GNG12: variants seen among roughly 807,000 people sequenced by gnomAD.
GNG12 encodes the protein guanine nucleotide-binding protein G(I)/G(S)/G(O) subunit gamma-12.
For missense variants in GNG12, 69 were observed against 83.8 expected (o/e 0.82, Z 0.69); for synonymous variants, 28 against 29.7 (o/e 0.94, Z 0.19).
At chr1:67,706,366 A>C (rs1646247377) in intron 3 of GNG12, among the ~76,000 whole-genome samples, 2 of 152,248 alleles carry the variant, frequency 1.3e-5, no homozygotes, top group African/African-American at 4.8e-5. Context: ...TTCAGGATTT[A>C]CTGTTAGAGA....
At chr1:67,819,114 G>C (rs1646971381) in intron 1 of GNG12, among the ~76,000 whole-genome samples, 1 of 152,118 alleles carries the variant, frequency 6.6e-6, no homozygotes, top group Non-Finnish European at 1.5e-5. Flanking sequence ...AGAGGCATGG[G>C]GGTAGGGAGA....
chr1:67,711,756 C>A (rs972926771), intron 2 of GNG12, among the ~76,000 whole-genome samples: 1 of 152,172 alleles, frequency 6.6e-6, no homozygotes, highest in Non-Finnish European at 1.5e-5. Context: ...ATCTGCTGTT[C>A]CCCAAGTGTC....
intron 1 of GNG12, among the ~76,000 whole-genome samples, chr1:67,815,273 A>AT (rs1212695842): frequency 6.6e-6 from 1 of 152,232 alleles, no homozygotes; most frequent in African/African-American, 2.4e-5. Flanking sequence ...CCTGATAAAA[A>AT]TAAGAAATGC....
At chr1:67,743,429 T>A (rs928768100) in intron 2 of GNG12, among the ~76,000 whole-genome samples, 1 of 152,180 alleles carries the variant, frequency 6.6e-6, no homozygotes, top group Non-Finnish European at 1.5e-5. Flanking sequence ...CATAAATGTC[T>A]CCATACAGCA....
intron 1 of GNG12, among the ~76,000 whole-genome samples, chr1:67,790,352 C>T (rs1047391214): frequency 9.2e-5 from 14 of 152,070 alleles, no homozygotes; most frequent in African/African-American, 3.1e-4. Flanking sequence ...TGCTGCCCAG[C>T]GTTTAGGGAA....
At chr1:67,787,783 C>CA (rs1178084199) in intron 1 of GNG12, among the ~76,000 whole-genome samples, 1 of 152,206 alleles carries the variant, frequency 6.6e-6, no homozygotes, top group African/African-American at 2.4e-5. Flanking sequence ...TTCCATTTTA[C>CA]AGGTAAGTTG....
intron 2 of GNG12, among the ~76,000 whole-genome samples, chr1:67,720,392 T>C (rs1646350204): frequency 6.6e-6 from 1 of 152,212 alleles, no homozygotes; most frequent in South Asian, 2.1e-4. Context: ...GTGTTTACAG[T>C]CAACACTAAG....
intron 2 of GNG12, 37 bp from the exon 3 acceptor site, chr1:67,707,749 T>A: frequency 1.0e-6 from 1 of 995,776 alleles, no homozygotes; most frequent in South Asian, 1.4e-5. Flanking sequence ...GTAACAGGCA[T>A]CTTTAAGTTA....
chr1:67,833,367 C>G lies in GNG12; in HGVS notation c.-100G>C. On this transcript the variant is annotated 5_prime_UTR_variant, in exon 1 of 4. Coordinates refer to ENST00000370982, the MANE Select transcript of GNG12 (RefSeq NM_018841.6). ...ACCCGCCTGCCGGTGCGCTGCCCCG[C>G]CGTCGCCGCCGGGACTCGGTCTCTA... 4.1e-6 allele frequency: 4 copies of G among 984,964 alleles called. No homozygotes were observed. Among genetic ancestry groups the G allele is most frequent in the Non-Finnish European group, 4.8e-6 (4 of 829,472 alleles). 61.0% of individuals were successfully genotyped at this position (984,964 alleles called of 1,614,324 possible). A position where few individuals can be genotyped will look rare whatever the true frequency, so the allele number is the denominator to read the frequency against.
Position 67,709,866 on chromosome 1 carries a change from TTA to T in GNG12, c.-26-2156_-26-2155del, listed in dbSNP as rs1209620776. On this transcript the variant is annotated intron_variant, in intron 2 of 3. Transcript: ENST00000370982. The stretch of plus-strand genomic sequence containing the variant: ...TGTATATATATTTATATATATATAG[TTA>T]TATATATATTTATATATATAGTTAT... 1.1e-3 allele frequency among the ~76,000 whole-genome samples: 138 copies of T among 122,372 alleles called. 1 individual carries two copies. Among genetic ancestry groups the T allele is most frequent in the Non-Finnish European group, 1.9e-3 (116 of 62,074 alleles). The allele number at this position is 122,372 out of a possible 152,430, so 80.3% of individuals were successfully genotyped here. A position where few individuals can be genotyped will look rare whatever the true frequency, so the allele number is the denominator to read the frequency against.
intron 1 of GNG12, among the ~76,000 whole-genome samples, chr1:67,798,611 G>A (rs1183657772): frequency 6.6e-6 from 1 of 151,844 alleles, no homozygotes; most frequent in Non-Finnish European, 1.5e-5. Flanking sequence ...CCTACCCAGT[G>A]TGAATATGAT....
intron 2 of GNG12, among the ~76,000 whole-genome samples, chr1:67,739,795 T>C (rs1335514551): frequency 1.3e-5 from 2 of 152,188 alleles, no homozygotes; most frequent in Non-Finnish European, 2.9e-5. Flanking sequence ...CCAAATGACC[T>C]GCTTAATTTA....
chr1:67,760,792 G>T (rs56075018), intron 2 of GNG12, among the ~76,000 whole-genome samples: 12,229 of 152,232 alleles, frequency 0.08, 508 homozygotes, highest in Admixed American at 0.1. Flanking sequence ...AGTAAGCAAG[G>T]AGGACACGTC....
At chr1:67,795,719 AT>A (rs1646827573) in intron 1 of GNG12, among the ~76,000 whole-genome samples, 1 of 152,218 alleles carries the variant, frequency 6.6e-6, no homozygotes, top group African/African-American at 2.4e-5. Flanking sequence ...AATATCCAGT[AT>A]TTGGATGAAA....
chr1:67,759,834 T>C lies in GNG12; in HGVS notation c.-27+17624A>G, dbSNP rs139919015. 3.9e-3 allele frequency among the ~76,000 whole-genome samples: 596 copies of C among 152,312 alleles called. 6 individuals are homozygous for C. The highest frequency in any genetic ancestry group is 0.014 in the African/African-American group (563 of 41,564). On this transcript the variant is annotated intron_variant, in intron 2 of 3. Coordinates refer to ENST00000370982, the MANE Select transcript of GNG12 (RefSeq NM_018841.6). ...CTCCACTCTGGGTCCCAGTCATGTA[T>C]AAAACACTCTGCTTTGTGTTGACTA...
At chr1:67,778,436 A>G (rs1570540348) in intron 1 of GNG12, among the ~76,000 whole-genome samples, 1 of 152,156 alleles carries the variant, frequency 6.6e-6, no homozygotes, top group African/African-American at 2.4e-5. Context: ...AAGAAGTCCG[A>G]CGCATATGAA....
chr1:67,779,071 A>AT (rs1646722747), intron 1 of GNG12, among the ~76,000 whole-genome samples: 1 of 152,000 alleles, frequency 6.6e-6, no homozygotes, highest in Admixed American at 6.6e-5. Flanking sequence ...TCTTTTGGTG[A>AT]TTTTTCTGAG....
chr1:67,743,363 T>C (rs1286405429), intron 2 of GNG12, among the ~76,000 whole-genome samples: 1 of 152,138 alleles, frequency 6.6e-6, no homozygotes, highest in Non-Finnish European at 1.5e-5. Flanking sequence ...AAACAACAAA[T>C]ATAACAAAAT....
chr1:67,754,719 C>T (rs905787712), intron 2 of GNG12, among the ~76,000 whole-genome samples: 2 of 152,198 alleles, frequency 1.3e-5, no homozygotes, highest in African/African-American at 4.8e-5. Context: ...AGCCACAGCA[C>T]CTCCGTCTCT....
Sources: allele counts gnomAD v4.1 joint callset (sites outside exome capture counted in the v4.1 genomes callset), GRCh38; gene constraint gnomAD v4.1.1; transcripts MANE v1.5; gene names NCBI Gene and HGNC (gene_info 2026-07-23, HGNC 2026-07-21).